The following MSRA variants were observed in gnomAD, a reference collection of about 807,000 sequenced individuals.
The protein encoded by MSRA is methionine sulfoxide reductase A.
A neutral mutation model predicts 31.3 loss-of-function variants in MSRA; 54 were observed. The ratio of observed to expected loss-of-function variants is 1.73; its 90% CI spans 1.39 to 2.17. The LOEUF is 2.17. Ranked by LOEUF, MSRA falls within the 30% of genes most tolerant of loss-of-function variation. The pLI, the probability that MSRA is intolerant of heterozygous loss-of-function variation, is 0.00. For synonymous variants in MSRA, 169 were observed against 116.5 expected (o/e 1.45, Z -2.90); for missense variants, 507 against 300.9 (o/e 1.69, Z -5.07).
chr8:10,197,662 C>T (rs1808113278), intron 1 of MSRA, among the ~76,000 whole-genome samples: 1 of 152,108 alleles, frequency 6.6e-6, no homozygotes, highest in Admixed American at 6.5e-5. Flanking sequence ...ATATGGGTTC[C>T]CAGGTCTCTC....
chr8:10,381,775 T>G (rs1388736559), intron 5 of MSRA, among the ~76,000 whole-genome samples: 1 of 152,172 alleles, frequency 6.6e-6, no homozygotes, highest in Non-Finnish European at 1.5e-5. Flanking sequence ...AGGAAGCTGA[T>G]GAGACCTTTG....
intron 1 of MSRA, among the ~76,000 whole-genome samples, chr8:10,198,727 G>A (rs1482233888): frequency 3.3e-5 from 5 of 152,148 alleles, no homozygotes; most frequent in Non-Finnish European, 7.4e-5. Flanking sequence ...GGGCTCAAAT[G>A]TTTCTCCTGG....
At chr8:10,120,838 T>G (rs1340655553) in intron 1 of MSRA, among the ~76,000 whole-genome samples, 1 of 152,216 alleles carries the variant, frequency 6.6e-6, no homozygotes, top group Non-Finnish European at 1.5e-5. Flanking sequence ...TTCGGCTTAT[T>G]TGGCTGTGTC....
intron 1 of MSRA, among the ~76,000 whole-genome samples, chr8:10,105,070 T>G (rs1799794015): frequency 6.6e-6 from 1 of 152,226 alleles, no homozygotes; most frequent in African/African-American, 2.4e-5. Flanking sequence ...TAATTTAGAT[T>G]TCCTTTTCTG....
chr8:10,259,504 T>G (rs1037129974), intron 3 of MSRA, among the ~76,000 whole-genome samples: 1 of 152,132 alleles, frequency 6.6e-6, no homozygotes, highest in Non-Finnish European at 1.5e-5. Flanking sequence ...TGGAGTTGTC[T>G]CCTCCTCTCT....
chr8:10,327,963 C>G (rs1563355894), intron 5 of MSRA, among the ~76,000 whole-genome samples: 1 of 151,316 alleles, frequency 6.6e-6, no homozygotes, highest in Non-Finnish European at 1.5e-5. Context: ...ACCTACTCAC[C>G]TGCGCTACCA....
chr8:10,105,559 A>G (rs1315833374), intron 1 of MSRA, among the ~76,000 whole-genome samples: 4 of 152,204 alleles, frequency 2.6e-5, no homozygotes, highest in Non-Finnish European at 5.9e-5. Flanking sequence ...ATGTAGGCAC[A>G]TTCCCATTGC....
intron 2 of MSRA, 34 bp downstream of exon 2, chr8:10,207,935 G>GC: frequency 6.3e-7 from 1 of 1,574,984 alleles, no homozygotes; most frequent in Non-Finnish European, 8.7e-7. Context: ...AACCCAAATT[G>GC]TGTGCAAAGA....
intron 5 of MSRA, among the ~76,000 whole-genome samples, chr8:10,425,852 T>C (rs1809125408): frequency 1.3e-5 from 2 of 152,236 alleles, no homozygotes; most frequent in Non-Finnish European, 1.5e-5. Context: ...GCTATTTGGA[T>C]ACAGCTGTAA....
intron 5 of MSRA, chr8:10,337,603 G>T: frequency 1.5e-6 from 1 of 659,410 alleles, no homozygotes. Context: ...CTGGAAGTTG[G>T]TTAATTTTTC....
chr8:10,353,056 A>T (rs1447745812), intron 5 of MSRA, among the ~76,000 whole-genome samples: 3 of 151,818 alleles, frequency 2.0e-5, no homozygotes, highest in Non-Finnish European at 2.9e-5. Context: ...GTAGGGGGAG[A>T]GGTGGAGAGA....
chr8:10,344,014 A>T (rs1803611453), intron 5 of MSRA, among the ~76,000 whole-genome samples: 1 of 152,148 alleles, frequency 6.6e-6, no homozygotes, highest in African/African-American at 2.4e-5. Context: ...TTGAAGATAG[A>T]ACATTCTGTA....
At chr8:10,101,195 A>G (rs1278868276) in intron 1 of MSRA, among the ~76,000 whole-genome samples, 1 of 152,052 alleles carries the variant, frequency 6.6e-6, no homozygotes, top group Non-Finnish European at 1.5e-5. Context: ...AGTTATGTAA[A>G]CCTAATTTCT....
At chr8:10,261,577 G>T (rs1412147973) in intron 3 of MSRA, among the ~76,000 whole-genome samples, 1 of 151,984 alleles carries the variant, frequency 6.6e-6, no homozygotes, top group African/African-American at 2.4e-5. Context: ...GCAATTTTAG[G>T]TTTAAGCAGA....
At chr8:10,205,660 C>G (rs1323337205) in intron 1 of MSRA, among the ~76,000 whole-genome samples, 1 of 151,938 alleles carries the variant, frequency 6.6e-6, no homozygotes, top group Non-Finnish European at 1.5e-5. Context: ...AACATTTTCA[C>G]CCTAGACAAA....
intron 4 of MSRA, among the ~76,000 whole-genome samples, chr8:10,306,830 C>A (rs1801165742): frequency 6.6e-6 from 1 of 152,180 alleles, no homozygotes; most frequent in Non-Finnish European, 1.5e-5. Flanking sequence ...TGTGACTTCA[C>A]CCACTAAATC....
intron 1 of MSRA, among the ~76,000 whole-genome samples, chr8:10,059,430 G>A (rs1325020889): frequency 1.3e-5 from 2 of 152,210 alleles, no homozygotes; most frequent in African/African-American, 4.8e-5. Flanking sequence ...AAGTAGTGGA[G>A]CTGGGATATG....
At chr8:10,249,983 A>AG (rs1273620748) in intron 3 of MSRA, among the ~76,000 whole-genome samples, 1 of 152,220 alleles carries the variant, frequency 6.6e-6, no homozygotes, top group Non-Finnish European at 1.5e-5. Flanking sequence ...ACCAGGTCCT[A>AG]GGGGAAGGTT....
chr8:10,344,841 C>T (rs1803670210), intron 5 of MSRA, among the ~76,000 whole-genome samples: 1 of 152,100 alleles, frequency 6.6e-6, no homozygotes, highest in Non-Finnish European at 1.5e-5. Context: ...TTTATTCTTC[C>T]TTAGTGTGTC....
Sources: gnomAD v4.1 joint callset for allele counts (sites outside exome capture counted in the v4.1 genomes callset) on GRCh38, gnomAD v4.1.1 for gene constraint, MANE v1.5 for transcripts, NCBI Gene and HGNC (gene_info 2026-07-23, HGNC 2026-07-21) for gene names.